Variants in PSD2 observed in about 807,000 individuals in gnomAD.
PSD2 encodes the protein pleckstrin and Sec7 domain containing 2.
Under a neutral mutation model 69.8 loss-of-function variants are expected in PSD2, and 38 were observed. The observed-to-expected ratio is 0.54, with a 90% CI of 0.42 to 0.71. The LOEUF is 0.71. Ranked by LOEUF, PSD2 falls within the 30% of genes least tolerant of loss-of-function variation. The probability of loss-of-function intolerance (pLI) is 0.00; values close to 1 mark genes in which losing one functional copy is unlikely to be tolerated. For missense variants in PSD2, 943 were observed against 1,014.5 expected, an observed-to-expected ratio of 0.93 and a Z score of 0.96; for synonymous variants, 412 against 423.0, an observed-to-expected ratio of 0.97 and a Z score of 0.32.
At chr5:139,789,988 C>CGG in the PSD2 span, among the ~76,000 whole-genome samples, 1 of 151,506 alleles carries the variant, frequency 6.6e-6, no homozygotes, top group Non-Finnish European at 1.5e-5. Context: ...GAGAGCAGCA[C>CGG]GGGGCCGGGC....
chr5:139,776,155 G>A, the PSD2 span, among the ~76,000 whole-genome samples: 1 of 152,246 alleles, frequency 6.6e-6, no homozygotes, highest in Non-Finnish European at 1.5e-5. Flanking sequence ...TCCTGCCGCT[G>A]AGGGCTGGGG....
the PSD2 span, among the ~76,000 whole-genome samples, chr5:139,765,716 T>C: frequency 1.3e-5 from 2 of 151,930 alleles, no homozygotes; most frequent in Non-Finnish European, 2.9e-5. Context: ...TCCAAGGCCG[T>C]CTTCTTACAA....
At chr5:139,755,320 T>G in the PSD2 span, among the ~76,000 whole-genome samples, 1 of 151,568 alleles carries the variant, frequency 6.6e-6, no homozygotes, top group Non-Finnish European at 1.5e-5. Flanking sequence ...GCTGAGAGGG[T>G]ATATAGGGTG....
At chr5:139,815,565 A>G (rs927916050) in intron 4 of PSD2, among the ~76,000 whole-genome samples, 17 of 151,788 alleles carry the variant, frequency 1.1e-4, no homozygotes, top group African/African-American at 4.1e-4. Context: ...AACTTCAGAA[A>G]CCTCTTGTGT....
the PSD2 span, among the ~76,000 whole-genome samples, chr5:139,759,123 C>T: frequency 9.9e-5 from 15 of 152,116 alleles, no homozygotes; most frequent in African/African-American, 3.4e-4. Context: ...TCTACATTTC[C>T]TATCTTCCTG....
the PSD2 span, among the ~76,000 whole-genome samples, chr5:139,766,929 CCTTCTTTCTTTCTTT>C: frequency 1.0e-4 from 2 of 19,558 alleles, no homozygotes; most frequent in East Asian, 1.5e-3. Context: ...TCCTTCCTTC[CCTTCTTTCTTTCTTT>C]CTTTCTTTCT....
At chr5:139,781,609 A>G in the PSD2 span, among the ~76,000 whole-genome samples, 1 of 150,494 alleles carries the variant, frequency 6.6e-6, no homozygotes, top group Admixed American at 6.6e-5. Context: ...TGCTGGGATT[A>G]CAGGTGTGAG....
At chr5:139,809,918 A>G (rs1581715986) in intron 2 of PSD2, 107 bp downstream of exon 2, 2 of 1,239,008 alleles carry the variant, frequency 1.6e-6, no homozygotes, top group Non-Finnish European at 2.3e-6. Flanking sequence ...TCTCACACAT[A>G]AAATGGGGAT....
intron 5 of PSD2, 85 bp from the exon 6 acceptor site, chr5:139,821,808 G>A (rs960393946): frequency 2.3e-5 from 16 of 705,136 alleles, no homozygotes; most frequent in Non-Finnish European, 3.7e-5. Flanking sequence ...GCCCCCTAGA[G>A]TGGGTGTGTG....
At chr5:139,766,752 A>G in the PSD2 span, among the ~76,000 whole-genome samples, 1 of 152,204 alleles carries the variant, frequency 6.6e-6, no homozygotes, top group Non-Finnish European at 1.5e-5. Context: ...TAGGGCGAAT[A>G]GAGGGGTAGG....
chr5:139,841,188 A>G (rs532074638), intron 14 of PSD2, among the ~76,000 whole-genome samples: 7 of 152,230 alleles, frequency 4.6e-5, no homozygotes, highest in Non-Finnish European at 7.3e-5. Flanking sequence ...AGGTTCATCC[A>G]TGTTGTAGCG....
the PSD2 span, chr5:139,772,947 G>A: frequency 3.3e-5 from 5 of 152,170 alleles, no homozygotes; most frequent in African/African-American, 1.2e-4. Flanking sequence ...GCAGATACAG[G>A]TACTGTTCTT....
intron 7 of PSD2, among the ~76,000 whole-genome samples, chr5:139,828,319 G>A (rs1000215376): frequency 6.6e-6 from 1 of 152,180 alleles, no homozygotes; most frequent in Non-Finnish European, 1.5e-5. Flanking sequence ...TTCCAGGAGA[G>A]CTCAAGCTGA....
At chr5:139,760,390 G>C in the PSD2 span, among the ~76,000 whole-genome samples, 4 of 152,090 alleles carry the variant, frequency 2.6e-5, no homozygotes, top group African/African-American at 9.7e-5. Flanking sequence ...GTGTGCTCAC[G>C]GGGGACCCAC....
In PSD2 at chr5:139,836,881, G is replaced by A; in HGVS notation, c.1474G>A (p.Val492Met). Residue 492 changes from valine (V) to methionine (M), a missense_variant, in exon 10 of 15, where the codon GTG becomes ATG. Physicochemically the swap from Val to Met is conservative, Grantham distance 21. Transcript: ENST00000274710. ...DDKFGTGTKKVTRILDGGNPF... is the reference protein window; with the variant it reads ...DDKFGTGTKKMTRILDGGNPF... ...CAAGTTCGGGACAGGCACGAAGAAGGTGACGCGAATCCTGGATGGTGGCAA... is the reference window on the plus strand; with the variant it reads ...CAAGTTCGGGACAGGCACGAAGAAGATGACGCGAATCCTGGATGGTGGCAA... The A allele has an allele frequency of 6.2e-7, 1 of 1,614,198 alleles. No individual in the cohort carries two copies. The highest frequency in any genetic ancestry group is 8.5e-7 in the Non-Finnish European group (1 of 1,180,030).
chr5:139,785,809 C>A, the PSD2 span, among the ~76,000 whole-genome samples: 7 of 152,186 alleles, frequency 4.6e-5, no homozygotes, highest in African/African-American at 1.7e-4. Context: ...GGGTTAGATG[C>A]TGGGTGCAGT....
rs1581719811 is a variant in PSD2 at position 139,813,993 on chromosome 5, T to G, written c.822-177T>G. Among the ~76,000 whole-genome samples the G allele has an allele frequency of 2.6e-5, 4 of 152,166 alleles. No individual in the cohort carries two copies. The South Asian group carries it at 8.3e-4, about 32-fold the overall frequency. On this transcript the variant is annotated intron_variant, in intron 3 of 14. Transcript: ENST00000274710. ...GGGAGTCAGGGAACTATGCTGTGAG[T>G]TCACTTGAGAGGTTCTTCTGAAAGT...
the PSD2 span, among the ~76,000 whole-genome samples, chr5:139,766,935 T>TTCTC: frequency 1.4e-5 from 1 of 71,160 alleles, no homozygotes. Context: ...CTTCCCTTCT[T>TTCTC]TCTTTCTTTC....
intron 1 of PSD2, among the ~76,000 whole-genome samples, chr5:139,805,395 TA>T (rs1248337842): frequency 6.6e-6 from 1 of 152,266 alleles, no homozygotes; most frequent in Non-Finnish European, 1.5e-5. Flanking sequence ...GGCATGATGA[TA>T]ATCCCTGTTA....
Sources: allele counts gnomAD v4.1 joint callset (sites outside exome capture counted in the v4.1 genomes callset), GRCh38; gene constraint gnomAD v4.1.1; transcripts MANE v1.5; gene names NCBI Gene and HGNC (gene_info 2026-07-23, HGNC 2026-07-21).